Variants in DEPDC5 observed in about 807,000 individuals in gnomAD.
The protein encoded by DEPDC5 is GATOR1 complex protein DEPDC5.
A neutral mutation model predicts 217.3 loss-of-function variants in DEPDC5; 73 were observed. The ratio of observed to expected loss-of-function variants is 0.34; its 90% CI spans 0.28 to 0.41. The LOEUF (loss-of-function observed/expected upper bound fraction) is 0.41. Among genes scored for constraint, DEPDC5 ranks in the 10% least tolerant of loss-of-function variants. DEPDC5 has a pLI of 1.00. For missense variants in DEPDC5, 1,675 were observed against 2,070.1 expected (o/e 0.81, Z 3.70); for synonymous variants, 733 against 756.7 (o/e 0.97, Z 0.51).
chr22:31,804,447 AATT>A (rs1266842903), intron 16 of DEPDC5, among the ~76,000 whole-genome samples: 1 of 152,136 alleles, frequency 6.6e-6, no homozygotes, highest in Non-Finnish European at 1.5e-5. Flanking sequence ...TCTCTAAAAA[AATT>A]ATTTTTGAGA....
At chr22:31,786,319 C>T (rs540704471) in intron 10 of DEPDC5, among the ~76,000 whole-genome samples, 2 of 148,492 alleles carry the variant, frequency 1.3e-5, no homozygotes, top group African/African-American at 2.5e-5. Flanking sequence ...TCATGGGAGG[C>T]GGAGGTGGGC....
intron 38 of DEPDC5, among the ~76,000 whole-genome samples, chr22:31,881,661 A>T (rs2093179072): frequency 6.6e-6 from 1 of 152,090 alleles, no homozygotes; most frequent in South Asian, 2.1e-4. Flanking sequence ...GAAATAGCAA[A>T]TAAGGCCAGG....
chr22:31,898,508 A>G (rs1353280986), intron 40 of DEPDC5, among the ~76,000 whole-genome samples: 1 of 152,178 alleles, frequency 6.6e-6, no homozygotes, highest in Non-Finnish European at 1.5e-5. Context: ...TCTCAGGTAT[A>G]AAGATTAGAA....
chr22:31,882,590 T>G (rs756917070), intron 38 of DEPDC5, among the ~76,000 whole-genome samples: 9 of 152,198 alleles, frequency 5.9e-5, no homozygotes, highest in Admixed American at 3.3e-4. Context: ...TGTTTACAGA[T>G]CTCTTGGTAA....
At chr22:31,889,292 C>T (rs996140496) in intron 38 of DEPDC5, among the ~76,000 whole-genome samples, 3 of 152,198 alleles carry the variant, frequency 2.0e-5, no homozygotes. Flanking sequence ...CATCATAATC[C>T]GCTAGAAACA....
At chr22:31,843,852 G>T in intron 29 of DEPDC5, 40 bp downstream of exon 29, 1 of 1,561,118 alleles carries the variant, frequency 6.4e-7, no homozygotes, top group South Asian at 1.2e-5. Context: ...TTGCATCCTT[G>T]GGCAAGGATG....
At chr22:31,824,643 C>T (rs16989529) in intron 24 of DEPDC5, among the ~76,000 whole-genome samples, 16,782 of 151,930 alleles carry the variant, frequency 0.11, 986 homozygotes, top group Admixed American at 0.15. Context: ...ACTCAGAGGG[C>T]TGAAAATGTT....
chr22:31,771,080 G>A (rs1056616326), intron 7 of DEPDC5, among the ~76,000 whole-genome samples: 2 of 151,990 alleles, frequency 1.3e-5, no homozygotes, highest in Non-Finnish European at 2.9e-5. Flanking sequence ...CACCGCACGC[G>A]GCCCCCATCA....
At chr22:31,853,734 C>T (rs1363201330) in intron 31 of DEPDC5, among the ~76,000 whole-genome samples, 1 of 152,196 alleles carries the variant, frequency 6.6e-6, no homozygotes, top group Non-Finnish European at 1.5e-5. Context: ...TGATTAATAG[C>T]AGTGGGACCA....
chr22:31,884,839 C>G (rs1174690011), intron 38 of DEPDC5, among the ~76,000 whole-genome samples: 1 of 152,204 alleles, frequency 6.6e-6, no homozygotes, highest in African/African-American at 2.4e-5. Context: ...GCAACACCTT[C>G]GTCTTGCCTT....
chr22:31,863,367 A>G (rs1020170486), intron 33 of DEPDC5, among the ~76,000 whole-genome samples: 1 of 152,174 alleles, frequency 6.6e-6, no homozygotes, highest in African/African-American at 2.4e-5. Context: ...GGGTTTCGCC[A>G]TGTTGGCCAG....
chr22:31,847,517 A>G (rs1569096286), intron 31 of DEPDC5, among the ~76,000 whole-genome samples: 3 of 152,196 alleles, frequency 2.0e-5, no homozygotes, highest in Non-Finnish European at 4.4e-5. Flanking sequence ...CAGAAAGGGA[A>G]GCAAACACAT....
At chr22:31,838,874 T>C (rs2091214692) in intron 27 of DEPDC5, 29 bp downstream of exon 27, 2 of 1,603,714 alleles carry the variant, frequency 1.2e-6, no homozygotes, top group Non-Finnish European at 1.7e-6. Flanking sequence ...ATTTCTATTT[T>C]TTTCTCTTCT....
At chr22:31,893,123 G>A (rs2080313990) in intron 38 of DEPDC5, among the ~76,000 whole-genome samples, 3 of 151,970 alleles carry the variant, frequency 2.0e-5, no homozygotes, top group Middle Eastern at 3.4e-3. Context: ...ATCTGCTTGC[G>A]TCGGCCTCCC....
chr22:31,888,771 C>A (rs966512844), intron 38 of DEPDC5, among the ~76,000 whole-genome samples: 14 of 152,306 alleles, frequency 9.2e-5, no homozygotes, highest in Middle Eastern at 6.8e-3. Context: ...GTCTTGAACT[C>A]CTGGGCTCAA....
At chr22:31,774,128 C>A (rs2083604635) in intron 7 of DEPDC5, among the ~76,000 whole-genome samples, 1 of 151,934 alleles carries the variant, frequency 6.6e-6, no homozygotes, top group Admixed American at 6.6e-5. Context: ...GTAGCAAAAT[C>A]TTGTCTCCTG....
rs568684060 is a variant in DEPDC5 at position 31,802,198 on chromosome 22, T to G, written c.947-506T>G. ...AGGCTGGAATGCAGTGGCACGATCT[T>G]GGCTCACTGCGCCTCTGCCTCCTGG... On this transcript the variant is annotated intron_variant, in intron 14 of 42. Transcript: ENST00000651528. Among the ~76,000 whole-genome samples, 239 of 150,756 alleles carry G rather than the reference T, an allele frequency of 1.6e-3. 1 individual carries two copies. Among genetic ancestry groups the G allele is most frequent in the Non-Finnish European group, 2.8e-3 (192 of 67,712 alleles).
chr22:31,858,679 A>C (rs1349858246), intron 32 of DEPDC5: 1 of 152,204 alleles, frequency 6.6e-6, no homozygotes, highest in African/African-American at 2.4e-5. Flanking sequence ...AAAGAAAAAA[A>C]TAGCTATATA....
chr22:31,803,992 A>AAAAT, intron 15 of DEPDC5, 170 bp from the exon 16 acceptor site: 1 of 622,988 alleles, frequency 1.6e-6, no homozygotes, highest in Non-Finnish European at 2.8e-6. Context: ...GGAAACAGAC[A>AAAAT]AAATGAATGT....
Sources: gnomAD v4.1 joint callset for allele counts (sites outside exome capture counted in the v4.1 genomes callset) on GRCh38, gnomAD v4.1.1 for gene constraint, MANE v1.5 for transcripts, NCBI Gene and HGNC (gene_info 2026-07-23, HGNC 2026-07-21) for gene names.